The following STK39 variants were observed in gnomAD, a reference collection of about 807,000 sequenced individuals.
The protein encoded by STK39 is STE20/SPS1-related proline-alanine-rich protein kinase.
STK39 carries 20 observed loss-of-function variants against 77.8 expected under a neutral mutation model. That is an observed-to-expected ratio of 0.26 (90% CI 0.18 to 0.37). The LOEUF is 0.37. Among genes scored for constraint, STK39 ranks in the 10% least tolerant of loss-of-function variants. STK39 has a pLI of 1.00. For missense variants in STK39, 479 were observed against 656.5 expected, an observed-to-expected ratio of 0.73 and a Z score of 2.95; for synonymous variants, 246 against 234.1, an observed-to-expected ratio of 1.05 and a Z score of -0.47.
chr2:168,105,999 T>C (rs1686962859), intron 10 of STK39, among the ~76,000 whole-genome samples: 1 of 152,236 alleles, frequency 6.6e-6, no homozygotes, highest in Non-Finnish European at 1.5e-5. Context: ...AGCCTTGCTC[T>C]GTCGCCAGAC....
chr2:168,119,235 G>A (rs1687343937), intron 10 of STK39, among the ~76,000 whole-genome samples: 1 of 152,118 alleles, frequency 6.6e-6, no homozygotes, highest in African/African-American at 2.4e-5. Flanking sequence ...CCCATAATAT[G>A]CACGGTAACT....
chr2:168,019,017 C>A (rs551553423), intron 14 of STK39, among the ~76,000 whole-genome samples: 2 of 152,226 alleles, frequency 1.3e-5, no homozygotes, highest in South Asian at 4.2e-4. Flanking sequence ...AAGCCCACAC[C>A]GAGATATGAG....
rs1687946960 is a variant in STK39 at position 168,140,279 on chromosome 2, T to C, written c.840+10A>G. 1.9e-6 allele frequency: 3 copies of C among 1,603,344 alleles called. No individual in the cohort carries two copies. The highest frequency in any genetic ancestry group is 1.7e-6 in the Non-Finnish European group (2 of 1,170,192). On this transcript the variant is annotated intron_variant, in intron 7 of 17. Transcript: ENST00000355999. ...TTCAACCCCGATGTAGTATTTCCAA[T>C]TGTAATTACTTTCATGGGAGGATAT...
intron 14 of STK39, among the ~76,000 whole-genome samples, chr2:168,052,203 C>T (rs1287394936): frequency 6.6e-6 from 1 of 152,120 alleles, no homozygotes; most frequent in Non-Finnish European, 1.5e-5. Context: ...TGTTTAGCAT[C>T]CCTTCTTTTA....
chr2:168,057,215 CAG>C (rs1283104433), intron 14 of STK39, among the ~76,000 whole-genome samples: 1 of 152,180 alleles, frequency 6.6e-6, no homozygotes, highest in Non-Finnish European at 1.5e-5. Flanking sequence ...TTTTTTGAGA[CAG>C]AGTCTCGCTC....
At chr2:168,227,936 C>A (rs79012143) in intron 1 of STK39, among the ~76,000 whole-genome samples, 58,095 of 151,718 alleles carry the variant, frequency 0.38, 11,989 homozygotes, top group Non-Finnish European at 0.48. Context: ...GGATTACAGG[C>A]GTGAGCCACC....
intron 17 of STK39, among the ~76,000 whole-genome samples, chr2:167,963,744 AG>A (rs757734008): frequency 3.3e-5 from 5 of 152,232 alleles, no homozygotes; most frequent in African/African-American, 4.8e-5. Context: ...AGCAAGACCC[AG>A]GAAGTTAATT....
At chr2:168,115,632 CTA>C (rs1310611187) in intron 10 of STK39, among the ~76,000 whole-genome samples, 3 of 152,128 alleles carry the variant, frequency 2.0e-5, no homozygotes, top group Non-Finnish European at 2.9e-5. Flanking sequence ...TTACGCTAAT[CTA>C]TGTTTGTTGA....
intron 1 of STK39, among the ~76,000 whole-genome samples, chr2:168,245,691 C>T (rs1248836153): frequency 3.3e-5 from 5 of 152,178 alleles, no homozygotes. Flanking sequence ...GAAGAGTAGA[C>T]AATGGGAGGA....
At chr2:168,193,934 A>G (rs78235482) in intron 1 of STK39, among the ~76,000 whole-genome samples, 3,995 of 152,238 alleles carry the variant, frequency 0.026, 111 homozygotes, top group East Asian at 0.079. Flanking sequence ...TAATAAGGGA[A>G]TCGAGTTTAG....
chr2:168,152,876 T>G (rs1367086472), intron 5 of STK39, among the ~76,000 whole-genome samples: 1 of 152,234 alleles, frequency 6.6e-6, no homozygotes, highest in African/African-American at 2.4e-5. Context: ...TTCATATACC[T>G]GCAGGTGATC....
chr2:168,156,781 T>C (rs376366093), intron 5 of STK39, among the ~76,000 whole-genome samples: 126 of 152,328 alleles, frequency 8.3e-4, no homozygotes, highest in African/African-American at 3.0e-3. Context: ...GAGCCCATGC[T>C]CTGGGCCAAG....
At chr2:167,985,633 G>A (rs77024984) in intron 16 of STK39, among the ~76,000 whole-genome samples, 4,795 of 152,204 alleles carry the variant, frequency 0.032, 245 homozygotes, top group East Asian at 0.21. Flanking sequence ...TAGCCTTACT[G>A]AATTTGGTGG....
rs1686049771 is a variant in STK39 at position 168,075,238 on chromosome 2, C to G, written c.1090-7G>C. The G allele has an allele frequency of 1.2e-6, 2 of 1,613,342 alleles. No homozygotes were observed. The highest frequency in any genetic ancestry group is 3.3e-5 in the Admixed American group (2 of 60,000). The stretch of plus-strand genomic sequence containing the variant: ...ACCCAGGAACTCTTCTTACCTGAAT[C>G]AAAACAAGCCCACACAATTCTTCAC... On this transcript the variant is annotated splice_polypyrimidine_tract_variant and splice_region_variant and intron_variant, in intron 10 of 17. Coordinates refer to ENST00000355999, the MANE Select transcript of STK39 (RefSeq NM_013233.3).
At chr2:168,007,786 G>C (rs1684168660) in intron 16 of STK39, among the ~76,000 whole-genome samples, 1 of 151,974 alleles carries the variant, frequency 6.6e-6, no homozygotes, top group African/African-American at 2.4e-5. Context: ...AAGTGAGAGG[G>C]GACACAGTGC....
intron 16 of STK39, among the ~76,000 whole-genome samples, chr2:168,001,520 A>T (rs377008598): frequency 0.047 from 1,878 of 39,728 alleles, 41 homozygotes; most frequent in African/African-American, 0.091. Flanking sequence ...CTCTTTTTTT[A>T]AAAAAAAAAA....
intron 1 of STK39, among the ~76,000 whole-genome samples, chr2:168,185,641 A>G (rs1689189744): frequency 6.6e-6 from 1 of 152,212 alleles, no homozygotes; most frequent in South Asian, 2.1e-4. Context: ...GCATTTCACT[A>G]AGGTCTATGT....
At chr2:168,146,081 T>C (rs1517331) in intron 5 of STK39, among the ~76,000 whole-genome samples, 28,125 of 152,142 alleles carry the variant, frequency 0.18, 3,311 homozygotes, top group African/African-American at 0.33. Flanking sequence ...CTGTGGATGG[T>C]TGGATTCCTA....
intron 14 of STK39, among the ~76,000 whole-genome samples, chr2:168,022,482 C>G (rs763677940): frequency 6.6e-6 from 1 of 152,220 alleles, no homozygotes; most frequent in Admixed American, 6.5e-5. Context: ...AAGGGGACAA[C>G]CACTATTCAG....
Sources: gnomAD v4.1 joint callset for allele counts (sites outside exome capture counted in the v4.1 genomes callset) on GRCh38, gnomAD v4.1.1 for gene constraint, MANE v1.5 for transcripts, NCBI Gene and HGNC (gene_info 2026-07-23, HGNC 2026-07-21) for gene names.